The following PTPN12 variants were observed in gnomAD, a reference collection of about 807,000 sequenced individuals.
The protein encoded by PTPN12 is protein tyrosine phosphatase non-receptor type 12, also known as tyrosine-protein phosphatase non-receptor type 12.
PTPN12 carries 29 observed loss-of-function variants against 97.6 expected under a neutral mutation model. The ratio of observed to expected loss-of-function variants is 0.30; its 90% confidence interval spans 0.22 to 0.41. The LOEUF (loss-of-function observed/expected upper bound fraction) is 0.41. PTPN12 is among the 10% of genes least tolerant of loss of function. PTPN12 has a pLI of 1.00. For missense variants in PTPN12, 819 were observed against 926.0 expected, an observed-to-expected ratio of 0.88 and a Z score of 1.50; for synonymous variants, 327 against 300.4, an observed-to-expected ratio of 1.09 and a Z score of -0.91.
intron 13 of PTPN12, 94 bp from the exon 14 acceptor site, chr7:77,632,254 A>G (rs2151404111): frequency 2.1e-6 from 2 of 959,898 alleles, no homozygotes; most frequent in East Asian, 2.4e-5. Flanking sequence ...TGATCTAGAT[A>G]TTTGTGACAG....
chr7:77,631,565 A>T (rs560682594), intron 13 of PTPN12, among the ~76,000 whole-genome samples: 1 of 152,318 alleles, frequency 6.6e-6, no homozygotes, highest in South Asian at 2.1e-4. Context: ...CCTCCAGTGA[A>T]AACTCAAAGA....
chr7:77,563,834 T>C, intron 1 of PTPN12: 2 of 278,616 alleles, frequency 7.2e-6, no homozygotes, highest in South Asian at 5.4e-5. Flanking sequence ...ATTTTGCAAC[T>C]AAAGGTAGAC....
At chr7:77,572,245 G>T (rs968747796) in intron 2 of PTPN12, among the ~76,000 whole-genome samples, 3 of 152,010 alleles carry the variant, frequency 2.0e-5, no homozygotes, top group African/African-American at 7.2e-5. Context: ...TCTAATACAG[G>T]TGCCTGCCAC....
Position 77,600,696 on chromosome 7 carries a change from G to T in PTPN12, c.585G>T (p.Val195=), listed in dbSNP as rs1386666369. ...ESRRLYQFHY[V]NWPDHDVPSS... ...GTAGGCTGTATCAGTTTCATTATGT[G>T]AACTGGCCAGACCATGATGTTCCTT... Residue 195 remains valine (V), a synonymous_variant, in exon 8 of 18, where the codon GTG becomes GTT. Coordinates refer to ENST00000248594, the MANE Select transcript of PTPN12 (RefSeq NM_002835.4). 1 of 1,609,960 alleles carries T rather than the reference G, an allele frequency of 6.2e-7. No homozygotes were observed. The highest frequency in any genetic ancestry group is 2.2e-5 in the East Asian group (1 of 44,792).
chr7:77,546,835 T>C (rs934320143), intron 1 of PTPN12, among the ~76,000 whole-genome samples: 2 of 152,148 alleles, frequency 1.3e-5, no homozygotes, highest in African/African-American at 2.4e-5. Flanking sequence ...GGAAGGAGAA[T>C]GAACATGGGA....
At chr7:77,549,242 T>TAG (rs1176697715) in intron 1 of PTPN12, among the ~76,000 whole-genome samples, 1 of 152,154 alleles carries the variant, frequency 6.6e-6, no homozygotes, top group Admixed American at 6.5e-5. Context: ...GAGTGTCTAG[T>TAG]AGAGAATCCT....
rs1429043352 is a variant in PTPN12, at chr7:77,549,229, A to C, written c.99+11584A>C. On this transcript the variant is annotated intron_variant, in intron 1 of 17. Coordinates refer to ENST00000248594, the MANE Select transcript of PTPN12 (RefSeq NM_002835.4). Reference sequence around the variant, plus strand: ...GGCTTGATAACTAGGCGGGCAGTCCAAAGAGTGTCTAGTAGAGAATCCTTG... The same window carrying C: ...GGCTTGATAACTAGGCGGGCAGTCCCAAGAGTGTCTAGTAGAGAATCCTTG... Among the ~76,000 whole-genome samples the C allele has an allele frequency of 3.3e-5, 5 of 152,280 alleles. No homozygotes were observed. In the South Asian group the frequency reaches 1.0e-3, roughly 32 times the overall value.
At position 77,638,832 on chromosome 7, in the gene PTPN12, A is replaced by G. The variant is rs1789699922; in HGVS notation, c.2281+101A>G. On this transcript the variant is annotated intron_variant, in intron 17 of 17. Transcript: ENST00000248594. ...AAATGACACTTGCCAAGAATAAAAC[A>G]TGATTTTCCAAAGTTGCTTGGACTA... is the stretch of plus-strand genomic sequence containing the variant. 4.9e-6 allele frequency: 7 copies of G among 1,436,248 alleles called. No homozygotes were observed. The Admixed American group carries it at 1.5e-4, about 30-fold the overall frequency. The allele number at this position is 1,436,248 out of a possible 1,614,324, so 89.0% of individuals were successfully genotyped here. A position where few individuals can be genotyped will look rare whatever the true frequency, so the allele number is the denominator to read the frequency against.
chr7:77,577,671 C>T (rs1787384057), intron 2 of PTPN12, among the ~76,000 whole-genome samples: 1 of 152,144 alleles, frequency 6.6e-6, no homozygotes. Flanking sequence ...TCAAAATACA[C>T]ATGATATGCT....
At chr7:77,547,713 G>A (rs1461505841) in intron 1 of PTPN12, among the ~76,000 whole-genome samples, 1 of 152,216 alleles carries the variant, frequency 6.6e-6, no homozygotes, top group African/African-American at 2.4e-5. Flanking sequence ...GCCTAAATCT[G>A]TCTGAATAGA....
chr7:77,612,917 A>G (rs1412757537), intron 11 of PTPN12, among the ~76,000 whole-genome samples: 1 of 149,920 alleles, frequency 6.7e-6, no homozygotes, highest in African/African-American at 2.5e-5. Context: ...GATTACAGGC[A>G]TGTATCACCA....
At chr7:77,567,039 G>GT (rs1808293701) in intron 1 of PTPN12, among the ~76,000 whole-genome samples, 1 of 151,362 alleles carries the variant, frequency 6.6e-6, no homozygotes, top group Non-Finnish European at 1.5e-5. Context: ...GAATTTTTTT[G>GT]TTTCTTTCTT....
At chr7:77,541,518 C>T (rs1308062925) in intron 1 of PTPN12, among the ~76,000 whole-genome samples, 1 of 152,150 alleles carries the variant, frequency 6.6e-6, no homozygotes, top group Non-Finnish European at 1.5e-5. Flanking sequence ...ACATTTTTCA[C>T]TGTTGCATAA....
At chr7:77,610,920 G>A (rs1788547573) in intron 10 of PTPN12, 28 bp from the exon 11 acceptor site, 1 of 1,585,216 alleles carries the variant, frequency 6.3e-7, no homozygotes, top group Non-Finnish European at 8.6e-7. Context: ...TTTTCATTTT[G>A]TTTTTTAATC....
At chr7:77,624,959 AC>A (rs1249942947) in intron 12 of PTPN12, among the ~76,000 whole-genome samples, 1 of 151,152 alleles carries the variant, frequency 6.6e-6, no homozygotes, top group African/African-American at 2.4e-5. Context: ...ACATGGCAAA[AC>A]CCCATCTCTA....
intron 5 of PTPN12, among the ~76,000 whole-genome samples, chr7:77,587,336 G>A (rs1183048740): frequency 6.6e-6 from 1 of 152,130 alleles, no homozygotes; most frequent in Non-Finnish European, 1.5e-5. Flanking sequence ...ATGTCCATCA[G>A]AGCTTTTGGG....
chr7:77,548,105 C>T (rs1219613568), intron 1 of PTPN12, among the ~76,000 whole-genome samples: 3 of 152,114 alleles, frequency 2.0e-5, no homozygotes, highest in African/African-American at 7.2e-5. Flanking sequence ...TTTACTTTAT[C>T]TCAGGTATAT....
chr7:77,553,025 CAG>C (rs1467960873), intron 1 of PTPN12, among the ~76,000 whole-genome samples: 1 of 152,196 alleles, frequency 6.6e-6, no homozygotes, highest in East Asian at 1.9e-4. Context: ...TTTTTGGTGA[CAG>C]AGACAGAAAG....
chr7:77,598,469 G>GCC (rs1291339482), intron 7 of PTPN12, among the ~76,000 whole-genome samples: 1 of 152,000 alleles, frequency 6.6e-6, no homozygotes, highest in African/African-American at 2.4e-5. Flanking sequence ...GTCACTTGAG[G>GCC]CCAGGAGTTC....
Sources: allele counts gnomAD v4.1 joint callset (sites outside exome capture counted in the v4.1 genomes callset), GRCh38; gene constraint gnomAD v4.1.1; transcripts MANE v1.5; gene names NCBI Gene and HGNC (gene_info 2026-07-23, HGNC 2026-07-21).